The following CALD1 variants were observed in gnomAD, a reference collection of about 807,000 sequenced individuals.
CALD1 encodes the protein caldesmon.
CALD1 carries 33 observed loss-of-function variants against 99.9 expected under a neutral mutation model. The ratio of observed to expected loss-of-function variants is 0.33; its 90% CI spans 0.25 to 0.44. The LOEUF (loss-of-function observed/expected upper bound fraction) is 0.44. Ranked by LOEUF, CALD1 falls within the 20% of genes least tolerant of loss-of-function variation. The probability of loss-of-function intolerance (pLI) is 1.00; values close to 1 mark genes in which losing one functional copy is unlikely to be tolerated. For missense variants in CALD1, 861 were observed against 962.1 expected, an observed-to-expected ratio of 0.89 and a Z score of 1.39; for synonymous variants, 310 against 325.0, an observed-to-expected ratio of 0.95 and a Z score of 0.50.
intron 1 of CALD1, among the ~76,000 whole-genome samples, chr7:134,835,892 T>C (rs939129704): frequency 6.6e-6 from 1 of 152,164 alleles, no homozygotes; most frequent in Admixed American, 6.5e-5. Flanking sequence ...ACACCTGTAA[T>C]CCCAGAAATT....
At chr7:134,890,601 G>A (rs1802111651) in intron 3 of CALD1, among the ~76,000 whole-genome samples, 1 of 152,200 alleles carries the variant, frequency 6.6e-6, no homozygotes, top group Non-Finnish European at 1.5e-5. Context: ...GCTCATTAGA[G>A]ATGAAGAACC....
At chr7:134,898,189 G>A (rs374339916) in intron 3 of CALD1, among the ~76,000 whole-genome samples, 5 of 152,172 alleles carry the variant, frequency 3.3e-5, no homozygotes, top group African/African-American at 7.2e-5. Context: ...GCAGCAAGTC[G>A]CTTCAACTTG....
At chr7:134,720,597 A>G in the CALD1 span, among the ~76,000 whole-genome samples, 1 of 152,214 alleles carries the variant, frequency 6.6e-6, no homozygotes, top group Non-Finnish European at 1.5e-5. Flanking sequence ...ATGGCAACAT[A>G]AAGTAAATAG....
rs1797026793 is a variant in CALD1 at position 134,779,668 on chromosome 7, T to C, written c.-211T>C. On this transcript the variant is annotated 5_prime_UTR_variant, in exon 1 of 15. Transcript: ENST00000361675. ...TCGGCTGCCTGCCTGCCCGCCTGCT[T>C]GCTCTCTGGCTGTGCTCCTGCTTAA... 6 of 398,724 alleles carry C rather than the reference T, an allele frequency of 1.5e-5. No homozygotes were observed. Among genetic ancestry groups the C allele is most frequent in the Non-Finnish European group, 2.7e-5 (6 of 226,260 alleles). The allele number at this position is 398,724 out of a possible 1,614,324, so 24.7% of individuals were successfully genotyped here.
chr7:134,872,485 G>A (rs1801145032), intron 3 of CALD1, among the ~76,000 whole-genome samples: 4 of 151,858 alleles, frequency 2.6e-5, no homozygotes, highest in Non-Finnish European at 5.9e-5. Flanking sequence ...CTTGAGATAA[G>A]GTCTTTAGAT....
At chr7:134,840,383 C>T (rs550868006) in intron 1 of CALD1, among the ~76,000 whole-genome samples, 11 of 152,306 alleles carry the variant, frequency 7.2e-5, no homozygotes, top group South Asian at 6.2e-4. Flanking sequence ...TGATCTACAA[C>T]TCATCTTCCA....
the CALD1 span, among the ~76,000 whole-genome samples, chr7:134,717,586 A>C: frequency 6.6e-6 from 1 of 152,352 alleles, no homozygotes; most frequent in South Asian, 2.1e-4. Context: ...ACTGGAATCC[A>C]GCTGCACTTG....
intron 14 of CALD1, among the ~76,000 whole-genome samples, chr7:134,967,446 T>C (rs1808760744): frequency 6.6e-6 from 1 of 152,168 alleles, no homozygotes. Context: ...TAAGATTTCT[T>C]AATAGCTTGG....
At chr7:134,823,350 G>A (rs1224480522) in intron 1 of CALD1, among the ~76,000 whole-genome samples, 1 of 152,202 alleles carries the variant, frequency 6.6e-6, no homozygotes, top group African/African-American at 2.4e-5. Flanking sequence ...CAAACATTGG[G>A]TATCATGTCA....
rs528969239 is a variant in CALD1, at chr7:134,833,432, G to GT, written c.-129-10451dup. On this transcript the variant is annotated intron_variant, in intron 1 of 14. Coordinates refer to ENST00000361675, the MANE Select transcript of CALD1 (RefSeq NM_033138.4). ...AGCTTGGGTTTAAGTTTGTGGCCAC[G>GT]TAAGACTGAAGTTTGATACTGTCCA... Among the ~76,000 whole-genome samples, 65 of 152,280 alleles carry GT rather than the reference G, an allele frequency of 4.3e-4. 3 individuals are homozygous for GT. In the South Asian group the frequency reaches 0.013, roughly 31 times the overall value.
chr7:134,865,237 G>A (rs1343307855), intron 2 of CALD1, among the ~76,000 whole-genome samples: 4 of 151,932 alleles, frequency 2.6e-5, no homozygotes, highest in African/African-American at 9.7e-5. Context: ...TGCTAGAGAA[G>A]GGCTGAAAAG....
At chr7:134,931,388 A>G (rs1002498105) in intron 4 of CALD1, among the ~76,000 whole-genome samples, 1 of 152,116 alleles carries the variant, frequency 6.6e-6, no homozygotes, top group Non-Finnish European at 1.5e-5. Flanking sequence ...CTTCCCCTTA[A>G]ATTATAAATT....
upstream of CALD1, among the ~76,000 whole-genome samples, chr7:134,778,666 T>C (rs1251269643): frequency 6.6e-6 from 1 of 152,184 alleles, no homozygotes; most frequent in Non-Finnish European, 1.5e-5. Context: ...ATAGCACACA[T>C]CCTAACCATG....
chr7:134,762,950 T>G (rs907631719), intron 1 of CALD1, among the ~76,000 whole-genome samples: 2 of 152,210 alleles, frequency 1.3e-5, no homozygotes, highest in African/African-American at 2.4e-5. Flanking sequence ...CATAACATTT[T>G]GTGTGATATT....
intron 3 of CALD1, among the ~76,000 whole-genome samples, chr7:134,873,222 C>A (rs1273665607): frequency 1.3e-5 from 2 of 150,676 alleles, no homozygotes; most frequent in East Asian, 1.9e-4. Flanking sequence ...ACCCAAAAAA[C>A]AAAAAAAAAC....
the CALD1 span, among the ~76,000 whole-genome samples, chr7:134,717,117 C>A: frequency 6.6e-6 from 1 of 152,160 alleles, no homozygotes; most frequent in African/African-American, 2.4e-5. Context: ...CTCTTTCCCC[C>A]ACCTCAACAC....
intron 1 of CALD1, among the ~76,000 whole-genome samples, chr7:134,771,378 C>G (rs765879456): frequency 2.6e-5 from 4 of 152,306 alleles, no homozygotes; most frequent in Non-Finnish European, 5.9e-5. Flanking sequence ...CCGTTCTATT[C>G]AATAGCACTC....
At chr7:134,914,081 T>A (rs1012758051) in intron 3 of CALD1, among the ~76,000 whole-genome samples, 1 of 152,230 alleles carries the variant, frequency 6.6e-6, no homozygotes. Context: ...CAAAATTCCT[T>A]CTAGTTTCAT....
rs146680642 is a variant in CALD1 at position 134,903,593 on chromosome 7, T to C, written c.72-25161T>C. On this transcript the variant is annotated intron_variant, in intron 3 of 14. Transcript: ENST00000361675. ...GCAAGCTTTGGCATTTCTTGGCTTGTAGATGCGTCACTCCAATCTCTGCCT... is the reference window on the plus strand; with the variant it reads ...GCAAGCTTTGGCATTTCTTGGCTTGCAGATGCGTCACTCCAATCTCTGCCT... 2.3e-3 allele frequency among the ~76,000 whole-genome samples: 349 copies of C among 152,276 alleles called. 7 individuals carry two copies. Among genetic ancestry groups the C allele is most frequent in the African/African-American group, 8.0e-3 (331 of 41,514 alleles).
Sources: allele counts gnomAD v4.1 joint callset (sites outside exome capture counted in the v4.1 genomes callset), GRCh38; gene constraint gnomAD v4.1.1; transcripts MANE v1.5; gene names NCBI Gene and HGNC (gene_info 2026-07-23, HGNC 2026-07-21).